DPP6: variants seen among roughly 807,000 people sequenced by gnomAD.
The protein encoded by DPP6 is A-type potassium channel modulatory protein DPP6.
A neutral mutation model predicts 122.6 loss-of-function variants in DPP6; 69 were observed. The observed-to-expected ratio is 0.56, with a 90% CI of 0.46 to 0.69. The LOEUF is 0.69. Ranked by LOEUF, DPP6 falls within the 30% of genes least tolerant of loss-of-function variation. The probability of loss-of-function intolerance (pLI) is 0.00; values close to 1 mark genes in which losing one functional copy is unlikely to be tolerated. For missense variants in DPP6, 928 were observed against 1,116.9 expected, an observed-to-expected ratio of 0.83 and a Z score of 2.41; for synonymous variants, 418 against 433.1, an observed-to-expected ratio of 0.97 and a Z score of 0.43.
At chr7:154,431,422 T>A in intron 1 of DPP6, among the ~76,000 whole-genome samples, 1 of 117,254 alleles carries the variant, frequency 8.5e-6, no homozygotes. Flanking sequence ...AAACCTCATG[T>A]CAGGCTCTGT....
At chr7:154,790,026 C>T (rs1037699298) in intron 10 of DPP6, among the ~76,000 whole-genome samples, 11 of 152,030 alleles carry the variant, frequency 7.2e-5, no homozygotes, top group African/African-American at 2.4e-4. Flanking sequence ...GGTGAAACCC[C>T]GTCTCTACTA....
rs1275361496 is a variant in DPP6 at position 154,879,407 on chromosome 7, C to T, written c.2079-1481C>T. 3.4e-4 allele frequency among the ~76,000 whole-genome samples: 36 copies of T among 106,784 alleles called. 5 individuals carry two copies. Among genetic ancestry groups the T allele is most frequent in the Non-Finnish European group, 4.3e-4 (24 of 56,106 alleles). 70.1% of individuals were successfully genotyped at this position (106,784 alleles called of 152,430 possible). A position where few individuals can be genotyped will look rare whatever the true frequency, so the allele number is the denominator to read the frequency against. On this transcript the variant is annotated intron_variant, in intron 20 of 25. Transcript: ENST00000377770. ...CATCCTGGCTAACACGGTGAAACCC[C>T]GTCTCTACTAAAAAAAAAAAAAAAT... is the stretch of plus-strand genomic sequence containing the variant.
the DPP6 span, among the ~76,000 whole-genome samples, chr7:153,855,759 G>A: frequency 1.3e-5 from 2 of 152,034 alleles, no homozygotes; most frequent in African/African-American, 4.8e-5. Context: ...AGTGCCTCAA[G>A]GTCAGACAGA....
At position 154,111,309 on chromosome 7, in the gene DPP6, G is replaced by A. The variant is rs1459390382; in HGVS notation, c.243+58246G>A. Reference sequence around the variant, plus strand: ...GCTGGATTGGGTGGTGCCCACTCCCGGCTTGACCACTTAGCTCTGTGGTGC... The same window carrying A: ...GCTGGATTGGGTGGTGCCCACTCCCAGCTTGACCACTTAGCTCTGTGGTGC... On this transcript the variant is annotated intron_variant, in intron 1 of 25. Transcript: ENST00000377770. Among the ~76,000 whole-genome samples the A allele has an allele frequency of 2.6e-5, 4 of 152,198 alleles. No homozygotes were observed. In the East Asian group the frequency reaches 5.8e-4, roughly 22 times the overall value.
intron 16 of DPP6, among the ~76,000 whole-genome samples, chr7:154,832,937 C>T (rs936997667): frequency 5.9e-5 from 9 of 152,234 alleles, no homozygotes; most frequent in African/African-American, 1.4e-4. Flanking sequence ...CACAGAGAAT[C>T]GAGCCCTCCA....
intron 1 of DPP6, among the ~76,000 whole-genome samples, chr7:153,989,822 A>G (rs966629394): frequency 4.6e-5 from 7 of 151,876 alleles, no homozygotes; most frequent in Non-Finnish European, 1.0e-4. Context: ...CAGGATAGGG[A>G]CAGCATGTCC....
At chr7:153,832,837 T>C in the DPP6 span, among the ~76,000 whole-genome samples, 1,277 of 152,350 alleles carry the variant, frequency 8.4e-3, 18 homozygotes, top group African/African-American at 0.029. Context: ...ATAGTCTCTT[T>C]GAGTAATTTT....
intron 3 of DPP6, among the ~76,000 whole-genome samples, chr7:154,503,439 C>A (rs774582733): frequency 6.6e-6 from 1 of 152,170 alleles, no homozygotes; most frequent in East Asian, 1.9e-4. Context: ...TGTACCTGAC[C>A]AGGCTTTTCT....
At position 154,100,189 on chromosome 7, in the gene DPP6, G is replaced by A. The variant is rs569393083; in HGVS notation, c.243+47126G>A. On this transcript the variant is annotated intron_variant, in intron 1 of 25. Coordinates refer to ENST00000377770, the MANE Select transcript of DPP6 (RefSeq NM_130797.4). Reference sequence around the variant, plus strand: ...CAAAATCAACTTCCAGAGTAGAAGTGGGAGTTTTATTTTTTATTTATTTAT... The same window carrying A: ...CAAAATCAACTTCCAGAGTAGAAGTAGGAGTTTTATTTTTTATTTATTTAT... 1.3e-3 allele frequency among the ~76,000 whole-genome samples: 136 copies of A among 107,794 alleles called. 24 individuals carry two copies. The highest frequency in any genetic ancestry group is 5.1e-3 in the African/African-American group (128 of 24,972). The allele number at this position is 107,794 out of a possible 152,430, so 70.7% of individuals were successfully genotyped here.
the DPP6 span, among the ~76,000 whole-genome samples, chr7:153,809,767 C>G: frequency 6.7e-6 from 1 of 150,016 alleles, no homozygotes; most frequent in African/African-American, 2.5e-5. Flanking sequence ...ACGAAGTTGC[C>G]CAACATCTCT....
At chr7:154,417,015 C>T (rs1310119551) in intron 1 of DPP6, among the ~76,000 whole-genome samples, 3 of 152,154 alleles carry the variant, frequency 2.0e-5, no homozygotes, top group African/African-American at 7.2e-5. Context: ...GACAAAAAGT[C>T]TATTACAACC....
chr7:153,888,046 TCCGAGC>T, intron 1 of DPP6, among the ~76,000 whole-genome samples: 1 of 152,252 alleles, frequency 6.6e-6, no homozygotes, highest in East Asian at 1.9e-4. Flanking sequence ...CGCGGGTCGG[TCCGAGC>T]CCCAAGCAGA....
chr7:154,195,915 G>A (rs1798843014), intron 1 of DPP6, among the ~76,000 whole-genome samples: 1 of 152,144 alleles, frequency 6.6e-6, no homozygotes, highest in Non-Finnish European at 1.5e-5. Context: ...TACATGCCTT[G>A]TGTGAGGGAT....
At chr7:154,023,920 A>G (rs1585192514) in intron 1 of DPP6, among the ~76,000 whole-genome samples, 1 of 152,218 alleles carries the variant, frequency 6.6e-6, no homozygotes, top group African/African-American at 2.4e-5. Flanking sequence ...AATAAATTCA[A>G]TTATTAGAAT....
At chr7:153,900,367 C>T (rs1799593579) in intron 1 of DPP6, among the ~76,000 whole-genome samples, 1 of 151,922 alleles carries the variant, frequency 6.6e-6, no homozygotes. Flanking sequence ...ATACCTGAGG[C>T]TGGGTAATCT....
intron 1 of DPP6, among the ~76,000 whole-genome samples, chr7:154,103,276 A>G (rs1805886343): frequency 6.6e-6 from 1 of 152,180 alleles, no homozygotes; most frequent in South Asian, 2.1e-4. Context: ...AAGCGACTCC[A>G]TTCCGTCAGC....
At chr7:153,849,738 T>C in the DPP6 span, among the ~76,000 whole-genome samples, 17 of 152,358 alleles carry the variant, frequency 1.1e-4, 1 homozygote, top group Admixed American at 9.8e-4. Flanking sequence ...CATGCAGTAT[T>C]CTTCCTTGTG....
intron 1 of DPP6, chr7:154,305,433 G>T (rs764097650): frequency 6.7e-7 from 1 of 1,503,490 alleles, no homozygotes; most frequent in Non-Finnish European, 9.0e-7. Context: ...TTGGACTCTG[G>T]TGGCTCCCAA....
chr7:154,201,023 A>T (rs529046035), intron 1 of DPP6, among the ~76,000 whole-genome samples: 1 of 152,306 alleles, frequency 6.6e-6, no homozygotes, highest in Admixed American at 6.5e-5. Flanking sequence ...GGCACGGTGG[A>T]ACTTGTCTCG....
Sources: allele counts gnomAD v4.1 joint callset (sites outside exome capture counted in the v4.1 genomes callset), GRCh38; gene constraint gnomAD v4.1.1; transcripts MANE v1.5; gene names NCBI Gene and HGNC (gene_info 2026-07-23, HGNC 2026-07-21).